The following HS3ST4 variants were observed in gnomAD, a reference collection of about 807,000 sequenced individuals.
The protein encoded by HS3ST4 is heparan sulfate glucosamine 3-O-sulfotransferase 4.
Under a neutral mutation model 29.2 loss-of-function variants are expected in HS3ST4, and 17 were observed. The observed-to-expected ratio is 0.58, with a 90% CI of 0.40 to 0.87. The LOEUF (loss-of-function observed/expected upper bound fraction) is 0.87. Ranked by LOEUF, HS3ST4 falls within the 40% of genes least tolerant of loss-of-function variation. The probability of loss-of-function intolerance (pLI) is 0.00; values close to 1 mark genes in which losing one functional copy is unlikely to be tolerated. For missense variants in HS3ST4, 627 were observed against 634.5 expected (o/e 0.99, Z 0.13); for synonymous variants, 314 against 285.7 (o/e 1.10, Z -1.00).
intron 1 of HS3ST4, among the ~76,000 whole-genome samples, chr16:26,010,957 T>C (rs192491385): frequency 6.6e-6 from 1 of 152,330 alleles, no homozygotes; most frequent in African/African-American, 2.4e-5. Flanking sequence ...AGCTACTCTC[T>C]CCTAAGGGTA....
At chr16:26,088,545 C>T (rs1898816667) in intron 1 of HS3ST4, among the ~76,000 whole-genome samples, 1 of 152,130 alleles carries the variant, frequency 6.6e-6, no homozygotes, top group South Asian at 2.1e-4. Context: ...TGATTGATTG[C>T]AGACTGAATG....
At chr16:26,132,574 T>TGAAGTATCTGAA (rs2141816895) in intron 1 of HS3ST4, among the ~76,000 whole-genome samples, 1 of 152,312 alleles carries the variant, frequency 6.6e-6, no homozygotes, top group East Asian at 1.9e-4. Context: ...GGTACCATTT[T>TGAAGTATCTGAA]GTCCCAGATA....
chr16:25,950,741 T>A (rs1199065488), intron 1 of HS3ST4, among the ~76,000 whole-genome samples: 2 of 152,074 alleles, frequency 1.3e-5, no homozygotes, highest in African/African-American at 4.8e-5. Context: ...CCCACAGACT[T>A]GCACAGCATG....
At chr16:26,109,766 A>G (rs1899103858) in intron 1 of HS3ST4, among the ~76,000 whole-genome samples, 1 of 143,946 alleles carries the variant, frequency 6.9e-6, no homozygotes, top group Non-Finnish European at 1.5e-5. Context: ...TCCCAGCTCT[A>G]TTTAGGTGTC....
At chr16:25,927,438 A>C (rs928324607) in intron 1 of HS3ST4, among the ~76,000 whole-genome samples, 3 of 152,218 alleles carry the variant, frequency 2.0e-5, no homozygotes, top group Non-Finnish European at 4.4e-5. Flanking sequence ...CAAAGGGACT[A>C]ACAATGTGAG....
chr16:25,884,546 CT>C (rs1255903807), intron 1 of HS3ST4, among the ~76,000 whole-genome samples: 1 of 152,132 alleles, frequency 6.6e-6, no homozygotes, highest in African/African-American at 2.4e-5. Context: ...AGAACATAGG[CT>C]TTTGAGGTTA....
chr16:25,863,800 G>A (rs763072779), intron 1 of HS3ST4, among the ~76,000 whole-genome samples: 14 of 152,140 alleles, frequency 9.2e-5, no homozygotes, highest in Non-Finnish European at 1.0e-4. Flanking sequence ...CTTGAACATC[G>A]TGCTACTCAA....
At chr16:26,075,590 G>A (rs923087513) in intron 1 of HS3ST4, among the ~76,000 whole-genome samples, 1 of 152,192 alleles carries the variant, frequency 6.6e-6, no homozygotes, top group African/African-American at 2.4e-5. Flanking sequence ...TACAAATAGT[G>A]TGTAGACTTT....
chr16:25,986,544 TCAA>T (rs1411996822), intron 1 of HS3ST4, among the ~76,000 whole-genome samples: 1 of 152,230 alleles, frequency 6.6e-6, no homozygotes. Flanking sequence ...GGGAAACAAG[TCAA>T]TTCAGTAGCA....
chr16:25,779,617 G>A (rs1432402679), intron 1 of HS3ST4, among the ~76,000 whole-genome samples: 1 of 152,182 alleles, frequency 6.6e-6, no homozygotes, highest in Non-Finnish European at 1.5e-5. Context: ...AACATTTCCT[G>A]TGCTAAAGAC....
chr16:26,087,784 C>T (rs1297327807), intron 1 of HS3ST4, among the ~76,000 whole-genome samples: 1 of 152,040 alleles, frequency 6.6e-6, no homozygotes, highest in Non-Finnish European at 1.5e-5. Flanking sequence ...CCTTTGAGCA[C>T]CAGGTTGGTG....
chr16:25,828,301 C>CTCCCTCTCT (rs1555467593), intron 1 of HS3ST4, among the ~76,000 whole-genome samples: 1 of 32,880 alleles, frequency 3.0e-5, no homozygotes, highest in African/African-American at 1.3e-4. Flanking sequence ...TCTTTCTTTC[C>CTCCCTCTCT]CTCTCTCTCT....
chr16:25,702,205 T>G (rs1286579422), intron 1 of HS3ST4, among the ~76,000 whole-genome samples: 1 of 152,218 alleles, frequency 6.6e-6, no homozygotes, highest in Non-Finnish European at 1.5e-5. Context: ...AATTTTAACT[T>G]TTCCTTTTTG....
intron 1 of HS3ST4, among the ~76,000 whole-genome samples, chr16:25,968,658 G>A (rs966744332): frequency 1.1e-4 from 17 of 152,298 alleles, no homozygotes; most frequent in Middle Eastern, 3.4e-3. Flanking sequence ...TACAGGCTGT[G>A]TGACATTGGA....
At chr16:25,858,694 A>G (rs1286790831) in intron 1 of HS3ST4, among the ~76,000 whole-genome samples, 3 of 152,106 alleles carry the variant, frequency 2.0e-5, no homozygotes, top group Non-Finnish European at 4.4e-5. Flanking sequence ...TTGTCTACTC[A>G]TGCTTTCTAC....
chr16:25,873,501 T>C (rs1967789054), intron 1 of HS3ST4, among the ~76,000 whole-genome samples: 1 of 149,596 alleles, frequency 6.7e-6, no homozygotes. Flanking sequence ...TATCTATCTA[T>C]CTATCTATCT....
intron 1 of HS3ST4, among the ~76,000 whole-genome samples, chr16:25,909,697 G>A (rs943978788): frequency 6.6e-5 from 10 of 152,208 alleles, no homozygotes; most frequent in African/African-American, 2.4e-4. Flanking sequence ...CTCATTTAAT[G>A]CTCACAACAA....
intron 1 of HS3ST4, among the ~76,000 whole-genome samples, chr16:25,804,813 CTAT>C (rs1966974281): frequency 6.6e-6 from 1 of 152,108 alleles, no homozygotes; most frequent in South Asian, 2.1e-4. Context: ...CCTTGTAAGA[CTAT>C]TGTATGATGA....
chr16:25,915,337 A>T (rs1199740720), intron 1 of HS3ST4, among the ~76,000 whole-genome samples: 1 of 152,196 alleles, frequency 6.6e-6, no homozygotes, highest in African/African-American at 2.4e-5. Context: ...CTTGGCCTGG[A>T]GTGAGAAACA....
Sources: allele counts gnomAD v4.1 joint callset (sites outside exome capture counted in the v4.1 genomes callset), GRCh38; gene constraint gnomAD v4.1.1; transcripts MANE v1.5; gene names NCBI Gene and HGNC (gene_info 2026-07-23, HGNC 2026-07-21).